Variants in RIPK1 observed in about 807,000 individuals in gnomAD.
RIPK1 encodes the protein receptor-interacting serine/threonine-protein kinase 1.
Under a neutral mutation model 62.4 loss-of-function variants are expected in RIPK1, and 27 were observed. The ratio of observed to expected loss-of-function variants is 0.43; its 90% CI spans 0.32 to 0.60. The LOEUF is 0.60. Among genes scored for constraint, RIPK1 ranks in the 20% least tolerant of loss-of-function variants. The pLI is 0.07. For missense variants in RIPK1, 735 were observed against 831.0 expected (o/e 0.88, Z 1.42); for synonymous variants, 287 against 303.2 (o/e 0.95, Z 0.55).
chr6:3,085,613 T>G (rs1759646544), intron 6 of RIPK1, among the ~76,000 whole-genome samples: 1 of 152,264 alleles, frequency 6.6e-6, no homozygotes, highest in African/African-American at 2.4e-5. Context: ...AAGGCCTTCT[T>G]GTTTCCTTTT....
chr6:3,096,223 T>C (rs572791040), intron 7 of RIPK1, among the ~76,000 whole-genome samples: 3 of 152,186 alleles, frequency 2.0e-5, no homozygotes, highest in South Asian at 4.1e-4. Context: ...CTAGCTATTT[T>C]AGTAGAGCAA....
At chr6:3,075,956 CGTGTTAAG>C (rs1362146155) in intron 1 of RIPK1, among the ~76,000 whole-genome samples, 1 of 151,734 alleles carries the variant, frequency 6.6e-6, no homozygotes, top group Admixed American at 6.6e-5. Flanking sequence ...TGAGCAGTGC[CGTGTTAAG>C]GGGGGATTCT....
chr6:3,092,193 T>C (rs1158361369), intron 7 of RIPK1, among the ~76,000 whole-genome samples: 1 of 10,056 alleles, frequency 9.9e-5, no homozygotes, highest in Non-Finnish European at 1.7e-4. Context: ...GCAGCGCGCC[T>C]ACCTGCCGCA....
rs1429660842 is a variant in RIPK1 at position 3,072,951 on chromosome 6, G to A, written c.-60-3813G>A. On this transcript the variant is annotated intron_variant, in intron 1 of 10. Coordinates refer to ENST00000259808, the MANE Select transcript of RIPK1 (RefSeq NM_001354930.2). The surrounding 1 kb of genome is among the most constrained non-coding windows in gnomAD (Gnocchi z 5.6). Reference sequence around the variant, plus strand: ...TCATTCTCACTAGGATTGGTCAGTAGGGCCCTGCTGACAGAGTGATCCCAG... The same window carrying A: ...TCATTCTCACTAGGATTGGTCAGTAAGGCCCTGCTGACAGAGTGATCCCAG... 1.3e-5 allele frequency among the ~76,000 whole-genome samples: 2 copies of A among 152,132 alleles called. No individual in the cohort carries two copies. Among genetic ancestry groups the A allele is most frequent in the South Asian group, 2.1e-4 (1 of 4,828 alleles).
Position 3,113,174 on chromosome 6 carries a change from T to C in RIPK1, c.1851T>C (p.His617=). ...FTQSQIDEID[H]DYERDGLKEK... The stretch of plus-strand genomic sequence containing the variant: ...AGTCTCAGATTGATGAAATTGACCA[T>C]GACTATGAGCGAGATGGACTGAAAG... The change falls in exon 11 of 11, where the codon CAT becomes CAC. Residue 617 remains histidine, a synonymous_variant. Transcript: ENST00000259808. This position sits in a 1 kb window ranked among gnomAD's most constrained non-coding sequence, Gnocchi z 5.0. 1 of 1,613,980 alleles carries C rather than the reference T, an allele frequency of 6.2e-7. No individual in the cohort carries two copies. The highest frequency in any genetic ancestry group is 1.1e-5 in the South Asian group (1 of 91,046).
Position 3,076,803 on chromosome 6 carries a change from T to A in RIPK1, c.-21T>A. ...GGGGGGGGAAAAAGTGGTACCATTT[T>A]GGGCGTTCTTGAGCTTCAGAATGCA... On this transcript the variant is annotated 5_prime_UTR_variant, in exon 2 of 11. Coordinates refer to ENST00000259808, the MANE Select transcript of RIPK1 (RefSeq NM_001354930.2). 1 of 1,611,218 alleles carries A rather than the reference T, an allele frequency of 6.2e-7. No homozygotes were observed. Among genetic ancestry groups the A allele is most frequent in the Non-Finnish European group, 8.5e-7 (1 of 1,179,074 alleles).
At chr6:3,089,922 C>T (rs1759936709) in intron 7 of RIPK1, among the ~76,000 whole-genome samples, 1 of 152,122 alleles carries the variant, frequency 6.6e-6, no homozygotes, top group South Asian at 2.1e-4. Context: ...TGGAAAGTAC[C>T]ATAAGTGGAT....
At chr6:3,078,411 T>C (rs1759205387) in intron 3 of RIPK1, among the ~76,000 whole-genome samples, 1 of 152,232 alleles carries the variant, frequency 6.6e-6, no homozygotes, top group African/African-American at 2.4e-5. Context: ...TTTACTGCCC[T>C]GAGAGTGGTC....
At chr6:3,084,484 C>G (rs776230295) in intron 5 of RIPK1, among the ~76,000 whole-genome samples, 1 of 151,872 alleles carries the variant, frequency 6.6e-6, no homozygotes, top group Non-Finnish European at 1.5e-5. Flanking sequence ...GAGTCCTCCT[C>G]CTTAAGTCTC....
At chr6:3,084,160 C>A (rs1397884155) in intron 5 of RIPK1, among the ~76,000 whole-genome samples, 1 of 152,020 alleles carries the variant, frequency 6.6e-6, no homozygotes, top group Non-Finnish European at 1.5e-5. Context: ...TCAGTTCAAA[C>A]CCTCCTCGTT....
intron 4 of RIPK1, 84 bp downstream of exon 4, chr6:3,081,200 G>A: frequency 1.4e-6 from 2 of 1,451,478 alleles, no homozygotes; most frequent in South Asian, 2.5e-5. Flanking sequence ...GTACATTGGA[G>A]AAGCTAAAGG....
chr6:3,103,284 T>C (rs1760678659), intron 7 of RIPK1, among the ~76,000 whole-genome samples: 1 of 149,266 alleles, frequency 6.7e-6, no homozygotes, highest in Non-Finnish European at 1.5e-5. Flanking sequence ...TTTTTCCCCA[T>C]TATTTTATTT....
At chr6:3,076,040 G>A (rs1207575124) in intron 1 of RIPK1, among the ~76,000 whole-genome samples, 1 of 151,984 alleles carries the variant, frequency 6.6e-6, no homozygotes, top group African/African-American at 2.4e-5. Flanking sequence ...CTTCTGGATG[G>A]CGAGGTTGGC....
chr6:3,074,298 C>A (rs1336555505), intron 1 of RIPK1, among the ~76,000 whole-genome samples: 2 of 152,198 alleles, frequency 1.3e-5, no homozygotes, highest in African/African-American at 2.4e-5. Context: ...AGTATGTATG[C>A]TTTTGTATAA....
chr6:3,109,055 T>C (rs143675025), intron 9 of RIPK1, among the ~76,000 whole-genome samples: 208 of 152,210 alleles, frequency 1.4e-3, no homozygotes, highest in African/African-American at 4.8e-3. Flanking sequence ...TACCAACACT[T>C]GACAAATTCA....
intron 7 of RIPK1, among the ~76,000 whole-genome samples, chr6:3,099,963 G>A (rs1219361204): frequency 6.6e-6 from 1 of 152,074 alleles, no homozygotes; most frequent in Admixed American, 6.6e-5. Flanking sequence ...ATAAGTAACT[G>A]CCCTAAATTA....
rs547953577 is a variant in RIPK1 at position 3,083,190 on chromosome 6, A to C, written c.565A>C (p.Thr189Pro). Residue 189 changes from threonine to proline, a missense_variant, in exon 5 of 11, where the codon ACC becomes CCC. By Grantham distance (38) the Thr-to-Pro change is conservative (BLOSUM62 -1). Transcript: ENST00000259808. ...CGGCACCGCTAAGAAGAATGGCGGCACCCTCTACTACATGGCGCCCGAGCA... is the reference window on the plus strand; with the variant it reads ...CGGCACCGCTAAGAAGAATGGCGGCCCCCTCTACTACATGGCGCCCGAGCA... ...VDGTAKKNGG[T>P]LYYMAPEHLN... 1 of 1,613,984 alleles carries C rather than the reference A, an allele frequency of 6.2e-7. No individual in the cohort carries two copies. The highest frequency in any genetic ancestry group is 8.5e-7 in the Non-Finnish European group (1 of 1,179,982).
Position 3,104,106 on chromosome 6 carries a change from A to G in RIPK1, c.916-119A>G, listed in dbSNP as rs187936460. ...AAAACATTAATTTTAAAAAATTACT[A>G]CTTGTAAGATCTGTGTGAAATTTCT... On this transcript the variant is annotated intron_variant, in intron 7 of 10. Transcript: ENST00000259808. 3.0e-5 allele frequency: 17 copies of G among 569,626 alleles called. No homozygotes were observed. The East Asian group carries it at 4.3e-4, about 14-fold the overall frequency. 35.3% of individuals were successfully genotyped at this position (569,626 alleles called of 1,614,324 possible). A position where few individuals can be genotyped will look rare whatever the true frequency, so the allele number is the denominator to read the frequency against.
upstream of RIPK1, chr6:3,068,259 A>AATCC (rs1758474001): frequency 1.0e-6 from 1 of 985,410 alleles, no homozygotes; most frequent in Admixed American, 6.2e-5. Context: ...CCCCCGCTGT[A>AATCC]ATCCACCCAG....
Sources: allele counts gnomAD v4.1 joint callset (sites outside exome capture counted in the v4.1 genomes callset), GRCh38; gene constraint gnomAD v4.1.1; non-coding constraint Gnocchi (gnomAD v3.1); transcripts MANE v1.5; gene names NCBI Gene and HGNC (gene_info 2026-07-23, HGNC 2026-07-21).